SANBR: variants seen among roughly 807,000 people sequenced by gnomAD.
SANBR encodes SANT and BTB domain regulator of class switch recombination.
A neutral mutation model predicts 101.8 loss-of-function variants in SANBR; 77 were observed. The observed-to-expected ratio is 0.76, with a 90% CI of 0.63 to 0.91. SANBR has a LOEUF of 0.91. Among genes scored for constraint, SANBR ranks in the 40% least tolerant of loss-of-function variants. The pLI is 0.00. For synonymous variants in SANBR, 279 were observed against 274.7 expected (o/e 1.02, Z -0.15); for missense variants, 875 against 853.0 (o/e 1.03, Z -0.32).
intron 15 of SANBR, 91 bp downstream of exon 15, chr2:61,108,440 C>T (rs1182294232): frequency 1.2e-6 from 1 of 816,004 alleles, no homozygotes; most frequent in Non-Finnish European, 1.9e-6. Flanking sequence ...TCTTATTTTA[C>T]AAATTTTAGT....
intron 9 of SANBR, 32 bp from the exon 10 acceptor site, chr2:61,088,326 C>T (rs1235783998): frequency 1.3e-6 from 2 of 1,568,946 alleles, no homozygotes; most frequent in East Asian, 2.3e-5. Context: ...ATTCTTCTTC[C>T]TGGATGTTTT....
intron 4 of SANBR, 79 bp from the exon 5 acceptor site, chr2:61,073,379 A>C (rs1681584624): frequency 1.6e-6 from 1 of 614,238 alleles, no homozygotes; most frequent in Non-Finnish European, 2.8e-6. Context: ...TTACCATTCA[A>C]TAAATAAAAA....
At chr2:61,121,956 T>C (rs1043774956) in intron 21 of SANBR, among the ~76,000 whole-genome samples, 170 bp from the exon 22 acceptor site, 37 of 152,114 alleles carry the variant, frequency 2.4e-4, no homozygotes, top group Non-Finnish European at 4.9e-4. Flanking sequence ...AAGTAACAAA[T>C]CTCAATTCCA....
chr2:61,084,102 C>A (rs910107330), intron 8 of SANBR, among the ~76,000 whole-genome samples: 1 of 152,102 alleles, frequency 6.6e-6, no homozygotes, highest in South Asian at 2.1e-4. Flanking sequence ...CACAGGCGCA[C>A]GCCACCATGC....
intron 20 of SANBR, among the ~76,000 whole-genome samples, chr2:61,118,327 C>T (rs1001701097): frequency 8.5e-4 from 129 of 152,136 alleles, no homozygotes; most frequent in African/African-American, 2.8e-3. Flanking sequence ...CTGCAACCTT[C>T]GCCTCATGGG....
intron 11 of SANBR, among the ~76,000 whole-genome samples, chr2:61,097,220 A>G (rs1683074518): frequency 6.6e-6 from 1 of 152,172 alleles, no homozygotes; most frequent in Non-Finnish European, 1.5e-5. Context: ...AAAACATTTG[A>G]GGTGATTGGC....
intron 20 of SANBR, among the ~76,000 whole-genome samples, chr2:61,131,394 T>G (rs1306862361): frequency 3.9e-5 from 6 of 152,166 alleles, no homozygotes; most frequent in Admixed American, 3.3e-4. Flanking sequence ...TATTTCTATA[T>G]AGTAGCAATG....
downstream of SANBR, among the ~76,000 whole-genome samples, chr2:61,125,874 G>C (rs1349354403): frequency 6.6e-6 from 1 of 152,082 alleles, no homozygotes; most frequent in Non-Finnish European, 1.5e-5. Context: ...CTACATACTG[G>C]GGTTGGAATC....
rs184341764 is a variant in SANBR, at chr2:61,113,038, C to T, written c.1745-2941C>T. ...TTAAGGGTCAAGCTTCCTTTTTTTCCATAGGCATAGCCGGTTGTTCCAGCA... is the reference window on the plus strand; with the variant it reads ...TTAAGGGTCAAGCTTCCTTTTTTTCTATAGGCATAGCCGGTTGTTCCAGCA... On this transcript the variant is annotated intron_variant, in intron 16 of 21. Coordinates refer to ENST00000402291, the MANE Select transcript of SANBR (RefSeq NM_001129993.3). Among the ~76,000 whole-genome samples, 37 of 152,032 alleles carry T rather than the reference C, an allele frequency of 2.4e-4. No homozygotes were observed. In the East Asian group the frequency reaches 6.8e-3, roughly 28 times the overall value.
chr2:61,070,382 TC>T lies in SANBR; in HGVS notation c.34del (p.Leu12Ter). ...CGTGGATATTCAGAAAACAACAATT[TC>T]CTGAACAATAATAACCAAATGGTAT... Reference protein sequence around the residue: MSRGYSENNNFLNNNNQMVLD... With the variant: MSRGYSENNNXLNNNNQMVLD... On this transcript the variant is annotated frameshift_variant, in exon 3 of 22. Coordinates refer to ENST00000402291, the MANE Select transcript of SANBR (RefSeq NM_001129993.3). LOFTEE classifies it high-confidence loss of function. The T allele has an allele frequency of 6.3e-7, 1 of 1,593,536 alleles. No homozygotes were observed. The highest frequency in any genetic ancestry group is 8.5e-7 in the Non-Finnish European group (1 of 1,172,946).
intron 19 of SANBR, 125 bp from the exon 20 acceptor site, chr2:61,117,903 A>G: frequency 1.4e-6 from 1 of 706,066 alleles, no homozygotes; most frequent in Non-Finnish European, 2.4e-6. Flanking sequence ...ATATAGATGT[A>G]TGTGTCTGTA....
chr2:61,093,195 T>G (rs1334578352), intron 11 of SANBR: 1 of 152,214 alleles, frequency 6.6e-6, no homozygotes, highest in African/African-American at 2.4e-5. Flanking sequence ...AATGGTGCTG[T>G]TAAACATTTT....
Position 61,079,904 on chromosome 2 carries a change from A to T in SANBR, c.671-1548A>T, listed in dbSNP as rs190669553. ...ACAGAGCGAGACTCCGTCTCAATTT[A>T]AAAAAAAAAAAAGCCCGGCACTCTG... is the stretch of plus-strand genomic sequence containing the variant. On this transcript the variant is annotated intron_variant, in intron 6 of 21. Transcript: ENST00000402291. Among the ~76,000 whole-genome samples the T allele has an allele frequency of 6.4e-3, 909 of 142,206 alleles. 8 individuals carry two copies. The highest frequency in any genetic ancestry group is 0.021 in the African/African-American group (827 of 39,198). The allele number at this position is 142,206 out of a possible 152,430, so 93.3% of individuals were successfully genotyped here. A position where few individuals can be genotyped will look rare whatever the true frequency, so the allele number is the denominator to read the frequency against.
Position 61,088,179 on chromosome 2 carries a change from T to C in SANBR, c.911T>C (p.Ile304Thr). The part of the protein sequence containing the change: ...KFKSKLFCKK[I>T]ERLFDPEYLN... ...AATAGCAAACTTTTTTGTAAGAAGA[T>C]TGAAAGACTGTTTGATCCTGAGTAC... The change falls in exon 9 of 22, where the codon ATT (isoleucine) becomes ACT (threonine). Residue 304 changes from isoleucine (I) to threonine (T), a missense_variant. By Grantham distance (89) the Ile-to-Thr change is moderately conservative. Coordinates refer to ENST00000402291, the MANE Select transcript of SANBR (RefSeq NM_001129993.3). 6.2e-7 allele frequency: 1 copy of C among 1,606,156 alleles called. No homozygotes were observed. The highest frequency in any genetic ancestry group is 8.5e-7 in the Non-Finnish European group (1 of 1,177,426).
intron 16 of SANBR, among the ~76,000 whole-genome samples, chr2:61,113,134 T>C (rs1377172302): frequency 6.6e-6 from 1 of 152,208 alleles, no homozygotes; most frequent in Non-Finnish European, 1.5e-5. Context: ...CGGTTGACCA[T>C]TTACATGTGG....
chr2:61,100,096 T>A (rs1417208166), intron 12 of SANBR, among the ~76,000 whole-genome samples: 1 of 152,036 alleles, frequency 6.6e-6, no homozygotes, highest in Non-Finnish European at 1.5e-5. Context: ...ATTTGTTTAG[T>A]GTTTTGGGGG....
At chr2:61,081,861 C>G (rs1352973333) in intron 7 of SANBR, among the ~76,000 whole-genome samples, 1 of 152,118 alleles carries the variant, frequency 6.6e-6, no homozygotes, top group South Asian at 2.1e-4. Flanking sequence ...GTTGCCTAGG[C>G]TGGTCTCGAA....
At chr2:61,085,013 A>G (rs1439131180) in intron 8 of SANBR, among the ~76,000 whole-genome samples, 1 of 152,146 alleles carries the variant, frequency 6.6e-6, no homozygotes, top group African/African-American at 2.4e-5. Flanking sequence ...TTGGGAGAGG[A>G]AGGAATAGGG....
At chr2:61,133,545 G>A (rs1358220839) in intron 20 of SANBR, among the ~76,000 whole-genome samples, 15 of 152,174 alleles carry the variant, frequency 9.9e-5, no homozygotes, top group Non-Finnish European at 4.4e-5. Flanking sequence ...TTGAGCCCAG[G>A]AGTTCAAGAC....
Sources: gnomAD v4.1 joint callset for allele counts (sites outside exome capture counted in the v4.1 genomes callset) on GRCh38, gnomAD v4.1.1 for gene constraint, MANE v1.5 for transcripts, NCBI Gene and HGNC (gene_info 2026-07-23, HGNC 2026-07-21) for gene names.